PPP3CA: variants seen among roughly 807,000 people sequenced by gnomAD.
PPP3CA encodes CAM-PRP catalytic subunit.
A neutral mutation model predicts 66.5 loss-of-function variants in PPP3CA; 14 were observed. The observed-to-expected ratio is 0.21, with a 90% CI of 0.14 to 0.33. The LOEUF (loss-of-function observed/expected upper bound fraction) is 0.33, where lower values mean the gene tolerates loss of function less well. Among genes scored for constraint, PPP3CA ranks in the 10% least tolerant of loss-of-function variants. PPP3CA has a pLI of 1.00. For synonymous variants in PPP3CA, 232 were observed against 226.2 expected (o/e 1.03, Z -0.23); for missense variants, 317 against 639.5 (o/e 0.50, Z 5.44).
intron 11 of PPP3CA, among the ~76,000 whole-genome samples, chr4:101,035,857 G>A (rs554434915): frequency 1.9e-4 from 29 of 152,104 alleles, no homozygotes; most frequent in South Asian, 1.7e-3. Context: ...CATGCCCTCC[G>A]TCCTGAAAGA....
At position 101,216,486 on chromosome 4, in the gene PPP3CA, T is replaced by C. The variant is rs182189380; in HGVS notation, c.59-20370A>G. Among the ~76,000 whole-genome samples the C allele has an allele frequency of 2.6e-3, 393 of 152,284 alleles. 1 individual carries two copies. The highest frequency in any genetic ancestry group is 9.1e-3 in the African/African-American group (378 of 41,586). On this transcript the variant is annotated intron_variant, in intron 1 of 13. Transcript: ENST00000394854. ...ATGTGAGTCCTTCAAAACCACTTTG[T>C]AGAACTGCTCAATTGCTACAAAAAT...
chr4:101,279,876 T>C (rs1371657334), intron 1 of PPP3CA, among the ~76,000 whole-genome samples: 1 of 152,214 alleles, frequency 6.6e-6, no homozygotes, highest in African/African-American at 2.4e-5. Context: ...GAAATCTTCC[T>C]TTAAGAATAA....
At chr4:101,148,181 T>C (rs2110296437) in intron 2 of PPP3CA, among the ~76,000 whole-genome samples, 1 of 152,250 alleles carries the variant, frequency 6.6e-6, no homozygotes, top group East Asian at 1.9e-4. Context: ...AATTAAAATG[T>C]ACTTGGAAAA....
intron 1 of PPP3CA, among the ~76,000 whole-genome samples, chr4:101,202,030 G>A (rs1047895328): frequency 6.6e-6 from 1 of 152,104 alleles, no homozygotes; most frequent in Admixed American, 6.6e-5. Context: ...TTTTGCTTGA[G>A]ATAGTTGGCA....
chr4:101,199,945 G>A (rs1724917806), intron 1 of PPP3CA, among the ~76,000 whole-genome samples: 2 of 152,120 alleles, frequency 1.3e-5, no homozygotes, highest in Admixed American at 1.3e-4. Context: ...CACATTTCAA[G>A]TCACAAAAAC....
chr4:101,202,855 TCCTTGTCAGAAA>T (rs1725012914), intron 1 of PPP3CA, among the ~76,000 whole-genome samples: 1 of 152,192 alleles, frequency 6.6e-6, no homozygotes, highest in Non-Finnish European at 1.5e-5. Flanking sequence ...ACTTCTTCTA[TCCTTGTCAGAAA>T]CCTCCTTACT....
At chr4:101,144,042 C>A (rs1425103109) in intron 2 of PPP3CA, among the ~76,000 whole-genome samples, 1 of 152,118 alleles carries the variant, frequency 6.6e-6, no homozygotes, top group Non-Finnish European at 1.5e-5. Context: ...CTTCTTTAGA[C>A]CCCAAATCTT....
Position 101,106,425 on chromosome 4 carries a change from GAAAGAAAGAAAGAAAGA to G in PPP3CA, c.384+2512_384+2528del. 4.7e-4 allele frequency among the ~76,000 whole-genome samples: 5 copies of G among 10,734 alleles called. 1 individual carries two copies. The highest frequency in any genetic ancestry group is 1.5e-3 in the African/African-American group (5 of 3,448). 7.0% of individuals were successfully genotyped at this position (10,734 alleles called of 152,430 possible). On this transcript the variant is annotated intron_variant, in intron 3 of 13. Transcript: ENST00000394854. ...AGAAAGAAAGAAAGAAAGAAAGAAA[GAAAGAAAGAAAGAAAGA>G]AAGAAAGAAAGAGAAAAGAAAAGAA...
intron 2 of PPP3CA, among the ~76,000 whole-genome samples, chr4:101,147,880 A>G (rs1271164551): frequency 6.6e-6 from 1 of 152,164 alleles, no homozygotes; most frequent in African/African-American, 2.4e-5. Flanking sequence ...TCTAGCTGTC[A>G]CAAGTGTCTA....
At chr4:101,246,553 A>T (rs3804409) in intron 1 of PPP3CA, among the ~76,000 whole-genome samples, 1 of 151,954 alleles carries the variant, frequency 6.6e-6, no homozygotes, top group African/African-American at 2.4e-5. Context: ...TCTTAATTAG[A>T]AACAAATTAC....
At chr4:101,079,133 C>A (rs935395266) in intron 8 of PPP3CA, among the ~76,000 whole-genome samples, 4 of 152,116 alleles carry the variant, frequency 2.6e-5, no homozygotes, top group African/African-American at 9.7e-5. Context: ...TGAAAGGAAA[C>A]AAAGGACTAA....
At chr4:101,222,962 T>C (rs1035375666) in intron 1 of PPP3CA, among the ~76,000 whole-genome samples, 7 of 151,798 alleles carry the variant, frequency 4.6e-5, no homozygotes, top group Admixed American at 1.3e-4. Flanking sequence ...ATCATTTGTA[T>C]GTGAAAGATA....
At position 101,032,366 on chromosome 4, in the gene PPP3CA, T is replaced by TGGAA. The variant is rs1234056601; in HGVS notation, c.1242-6_1242-3dup. ...GTCAGCACACTCTCACTCTCTTCTC[T>TGGAA]GGAAGGCACAATGAGGGGCGACATT... On this transcript the variant is annotated splice_polypyrimidine_tract_variant and splice_region_variant and intron_variant, in intron 11 of 13. Coordinates refer to ENST00000394854, the MANE Select transcript of PPP3CA (RefSeq NM_000944.5). 8.7e-6 allele frequency: 14 copies of TGGAA among 1,611,470 alleles called. No homozygotes were observed. Among genetic ancestry groups the TGGAA allele is most frequent in the Non-Finnish European group, 1.0e-5 (12 of 1,178,308 alleles).
chr4:101,104,202 G>A (rs1475619664), intron 3 of PPP3CA, among the ~76,000 whole-genome samples: 1 of 152,146 alleles, frequency 6.6e-6, no homozygotes, highest in Non-Finnish European at 1.5e-5. Flanking sequence ...GATAGCCAAA[G>A]GAGAATACCT....
At chr4:101,058,337 A>G (rs1291199619) in intron 10 of PPP3CA, among the ~76,000 whole-genome samples, 1 of 152,202 alleles carries the variant, frequency 6.6e-6, no homozygotes, top group Non-Finnish European at 1.5e-5. Flanking sequence ...CTGTTCAGAA[A>G]GATAAATAAC....
In PPP3CA at chr4:101,243,531, A is replaced by G. The variant is rs1313863378; in HGVS notation, c.59-47415T>C. Among the ~76,000 whole-genome samples the G allele has an allele frequency of 2.0e-5, 3 of 152,194 alleles. No homozygotes were observed. The East Asian group carries it at 5.8e-4, about 29-fold the overall frequency. ...ATATATAGCCTTTTTTCCTGTCATT[A>G]TATCTAAACATGGTATGACCACTAT... On this transcript the variant is annotated intron_variant, in intron 1 of 13. Coordinates refer to ENST00000394854, the MANE Select transcript of PPP3CA (RefSeq NM_000944.5).
chr4:101,158,602 C>T (rs764017703), intron 2 of PPP3CA, among the ~76,000 whole-genome samples: 36 of 152,142 alleles, frequency 2.4e-4, no homozygotes, highest in South Asian at 6.2e-4. Context: ...AGGTGCCACA[C>T]GGCAGGTCTA....
intron 2 of PPP3CA, among the ~76,000 whole-genome samples, chr4:101,144,282 C>T (rs572180020): frequency 5.6e-4 from 85 of 152,220 alleles, no homozygotes; most frequent in African/African-American, 1.8e-3. Context: ...TTGGAATATA[C>T]GTATATACTA....
At chr4:101,276,570 T>C (rs1444685735) in intron 1 of PPP3CA, among the ~76,000 whole-genome samples, 1 of 152,220 alleles carries the variant, frequency 6.6e-6, no homozygotes, top group Non-Finnish European at 1.5e-5. Context: ...GCAGTTTGTT[T>C]ACATGGTACT....
Sources: allele counts gnomAD v4.1 joint callset (sites outside exome capture counted in the v4.1 genomes callset), GRCh38; gene constraint gnomAD v4.1.1; transcripts MANE v1.5; gene names NCBI Gene and HGNC (gene_info 2026-07-23, HGNC 2026-07-21).